The following AFG2A variants were observed in gnomAD, a reference collection of about 807,000 sequenced individuals.
AFG2A encodes the protein AAA ATPase AFG2A.
the AFG2A span, among the ~76,000 whole-genome samples, chr4:123,163,539 C>A: frequency 6.6e-6 from 1 of 152,152 alleles, no homozygotes; most frequent in Non-Finnish European, 1.5e-5. Flanking sequence ...TTAGGATAGT[C>A]TGGTATGTAG....
At chr4:123,234,688 C>T in the AFG2A span, among the ~76,000 whole-genome samples, 1 of 151,834 alleles carries the variant, frequency 6.6e-6, no homozygotes, top group Admixed American at 6.6e-5. Flanking sequence ...TATTCTTATC[C>T]CCATAACTGA....
chr4:123,298,049 C>T, the AFG2A span, among the ~76,000 whole-genome samples: 1 of 152,088 alleles, frequency 6.6e-6, no homozygotes, highest in Non-Finnish European at 1.5e-5. Flanking sequence ...CCCTAGAAAA[C>T]TACAGAGTTG....
chr4:123,046,484 A>T, the AFG2A span, among the ~76,000 whole-genome samples: 1 of 152,134 alleles, frequency 6.6e-6, no homozygotes. Flanking sequence ...ATTTTTAATG[A>T]GCTACGCATT....
At chr4:123,015,291 G>A in the AFG2A span, among the ~76,000 whole-genome samples, 1 of 150,150 alleles carries the variant, frequency 6.7e-6, no homozygotes, top group Non-Finnish European at 1.5e-5. Context: ...ATAAACAAGT[G>A]AACAAAGGTC....
At chr4:123,209,284 T>G in the AFG2A span, among the ~76,000 whole-genome samples, 15 of 152,256 alleles carry the variant, frequency 9.9e-5, no homozygotes, top group African/African-American at 3.4e-4. Flanking sequence ...GTTTCAGAAC[T>G]GAATTGGAGG....
the AFG2A span, among the ~76,000 whole-genome samples, chr4:123,021,055 C>G: frequency 1.5e-3 from 228 of 152,224 alleles, 1 homozygote; most frequent in African/African-American, 5.4e-3. Flanking sequence ...CTGAAAACAG[C>G]TTTTCACTAT....
the AFG2A span, among the ~76,000 whole-genome samples, chr4:123,196,074 C>T: frequency 1.1e-4 from 17 of 150,972 alleles, no homozygotes; most frequent in African/African-American, 3.9e-4. Context: ...ATTCTCAGCT[C>T]ACTGCAAGCT....
At chr4:122,942,611 G>A in the AFG2A span, among the ~76,000 whole-genome samples, 1 of 151,908 alleles carries the variant, frequency 6.6e-6, no homozygotes, top group African/African-American at 2.4e-5. Context: ...TGTTTTGAAG[G>A]GTTTTTTTAT....
the AFG2A span, among the ~76,000 whole-genome samples, chr4:123,007,428 TCA>T: frequency 5.3e-5 from 8 of 151,514 alleles, no homozygotes; most frequent in Non-Finnish European, 8.8e-5. Context: ...CACTTTTCCG[TCA>T]CACACAGGGT....
At chr4:122,985,181 A>C in the AFG2A span, among the ~76,000 whole-genome samples, 1 of 149,206 alleles carries the variant, frequency 6.7e-6, no homozygotes, top group Non-Finnish European at 1.5e-5. Context: ...ACTGGAGTGC[A>C]ATGGTGCAAT....
At chr4:123,244,016 C>A in the AFG2A span, among the ~76,000 whole-genome samples, 1 of 151,734 alleles carries the variant, frequency 6.6e-6, no homozygotes, top group Non-Finnish European at 1.5e-5. Flanking sequence ...AGCAAGACCC[C>A]ATCTCAAATA....
the AFG2A span, among the ~76,000 whole-genome samples, chr4:123,173,130 C>T: frequency 6.6e-6 from 1 of 151,968 alleles, no homozygotes; most frequent in Non-Finnish European, 1.5e-5. Context: ...TTTTATAGGA[C>T]ATTGTTACCA....
the AFG2A span, among the ~76,000 whole-genome samples, chr4:123,111,592 T>C: frequency 6.6e-6 from 1 of 152,212 alleles, no homozygotes; most frequent in Non-Finnish European, 1.5e-5. Context: ...TTTTTTTCCC[T>C]TTAATAGTAG....
the AFG2A span, among the ~76,000 whole-genome samples, chr4:122,996,412 T>C: frequency 1.3e-5 from 2 of 152,202 alleles, no homozygotes; most frequent in South Asian, 2.1e-4. Context: ...TTTATGGTAG[T>C]TCCTATTTTT....
the AFG2A span, among the ~76,000 whole-genome samples, chr4:123,191,771 A>G: frequency 6.6e-6 from 1 of 151,964 alleles, no homozygotes; most frequent in Admixed American, 6.6e-5. Flanking sequence ...TTTGTTTTCC[A>G]TGAGTGGTTG....
the AFG2A span, among the ~76,000 whole-genome samples, chr4:123,024,158 A>G: frequency 1.3e-5 from 2 of 151,648 alleles, no homozygotes; most frequent in Admixed American, 6.6e-5. Context: ...GGAAGAAGCA[A>G]GAGTACAATA....
chr4:123,272,456 A>G, the AFG2A span, among the ~76,000 whole-genome samples: 1 of 152,166 alleles, frequency 6.6e-6, no homozygotes, highest in African/African-American at 2.4e-5. Flanking sequence ...TGGCTGTACA[A>G]ATTGGTTTGG....
the AFG2A span, among the ~76,000 whole-genome samples, chr4:123,303,604 A>G: frequency 6.6e-6 from 1 of 151,906 alleles, no homozygotes; most frequent in East Asian, 1.9e-4. Flanking sequence ...ATCTCTATAA[A>G]ACATAAAAAA....
chr4:123,142,579 A>G, the AFG2A span, among the ~76,000 whole-genome samples: 1 of 152,094 alleles, frequency 6.6e-6, no homozygotes, highest in Non-Finnish European at 1.5e-5. Flanking sequence ...TGTCCCTCTT[A>G]AACAACTTGA....
Sources: allele counts gnomAD v4.1 joint callset (sites outside exome capture counted in the v4.1 genomes callset), GRCh38; gene constraint gnomAD v4.1.1; transcripts MANE v1.5; gene names NCBI Gene and HGNC (gene_info 2026-07-23, HGNC 2026-07-21).